The following NFIB variants were observed in gnomAD, a reference collection of about 807,000 sequenced individuals.
NFIB encodes the protein nuclear factor 1 B-type.
A neutral mutation model predicts 61.5 loss-of-function variants in NFIB; 11 were observed. The ratio of observed to expected loss-of-function variants is 0.18; its 90% CI spans 0.11 to 0.30. The LOEUF is 0.30. NFIB is among the 10% of genes least tolerant of loss of function. The pLI is 1.00. For missense variants in NFIB, 471 were observed against 608.9 expected (o/e 0.77, Z 2.38); for synonymous variants, 260 against 216.5 (o/e 1.20, Z -1.76).
At chr9:14,492,135 G>A in the NFIB span, among the ~76,000 whole-genome samples, 3 of 152,172 alleles carry the variant, frequency 2.0e-5, no homozygotes, top group African/African-American at 7.2e-5. Context: ...AGGCCAAGGC[G>A]GGTGGATCAC....
chr9:14,114,650 G>GT, intron 9 of NFIB, among the ~76,000 whole-genome samples: 1 of 152,286 alleles, frequency 6.6e-6, no homozygotes, highest in South Asian at 2.1e-4. Context: ...CAACCTGTAT[G>GT]TAAGTATAAA....
intron 10 of NFIB, among the ~76,000 whole-genome samples, chr9:14,090,611 T>C (rs1004627528): frequency 3.0e-4 from 45 of 152,012 alleles, no homozygotes; most frequent in Non-Finnish European, 4.1e-4. Context: ...ATAAAATAAA[T>C]TACAAAAATG....
chr9:14,208,587 T>C (rs150621103), intron 2 of NFIB, among the ~76,000 whole-genome samples: 370 of 151,816 alleles, frequency 2.4e-3, no homozygotes, highest in Non-Finnish European at 4.3e-3. Context: ...CCTTAAGGAC[T>C]CTTCACAAGT....
At chr9:14,091,198 T>C (rs115103263) in intron 10 of NFIB, among the ~76,000 whole-genome samples, 2,046 of 152,014 alleles carry the variant, frequency 0.013, 48 homozygotes, top group African/African-American at 0.047. Context: ...ATTGCCAATT[T>C]AAGTTCAGAA....
intron 3 of NFIB, among the ~76,000 whole-genome samples, chr9:14,160,561 C>T (rs1400586493): frequency 1.3e-5 from 2 of 152,036 alleles, no homozygotes; most frequent in African/African-American, 2.4e-5. Flanking sequence ...TGTTTTTTGG[C>T]TCAATAAACA....
At chr9:14,416,403 A>G in the NFIB span, among the ~76,000 whole-genome samples, 1 of 152,134 alleles carries the variant, frequency 6.6e-6, no homozygotes, top group Non-Finnish European at 1.5e-5. Flanking sequence ...GCCCCTGAAG[A>G]CCTTCCAGTG....
chr9:14,214,374 T>G (rs2050631470), intron 2 of NFIB, among the ~76,000 whole-genome samples: 1 of 152,212 alleles, frequency 6.6e-6, no homozygotes, highest in Non-Finnish European at 1.5e-5. Context: ...GTCACCATCT[T>G]GAAACTCTTA....
intron 1 of NFIB, among the ~76,000 whole-genome samples, chr9:14,334,564 G>C (rs1347215572): frequency 6.6e-6 from 1 of 151,842 alleles, no homozygotes; most frequent in East Asian, 1.9e-4. Context: ...GGAGTTCTTT[G>C]TATACTCTAC....
intron 2 of NFIB, among the ~76,000 whole-genome samples, chr9:14,268,865 T>G (rs1353320679): frequency 6.6e-6 from 1 of 152,138 alleles, no homozygotes; most frequent in African/African-American, 2.4e-5. Context: ...ATACCCAAAA[T>G]TAGAAGTACT....
chr9:14,102,667 C>T (rs1320229256), intron 10 of NFIB, among the ~76,000 whole-genome samples: 1 of 151,456 alleles, frequency 6.6e-6, no homozygotes, highest in Admixed American at 6.6e-5. Context: ...AAATCTTATT[C>T]TTGAAAAGCA....
At chr9:14,505,480 G>T in the NFIB span, among the ~76,000 whole-genome samples, 1 of 152,294 alleles carries the variant, frequency 6.6e-6, no homozygotes, top group East Asian at 1.9e-4. Flanking sequence ...AGCAGTCAGA[G>T]CCTTGAACTT....
intron 2 of NFIB, among the ~76,000 whole-genome samples, chr9:14,266,343 C>A (rs79619957): frequency 1.3e-5 from 2 of 152,268 alleles, no homozygotes; most frequent in East Asian, 1.9e-4. Flanking sequence ...GTAATCCCAG[C>A]ACTTTCAGAG....
chr9:14,207,348 T>C (rs2049847795), intron 2 of NFIB, among the ~76,000 whole-genome samples: 1 of 152,232 alleles, frequency 6.6e-6, no homozygotes, highest in African/African-American at 2.4e-5. Flanking sequence ...GTCAATTTTT[T>C]CTAATTTTTG....
At chr9:14,349,128 T>C (rs2061073301) in intron 1 of NFIB, among the ~76,000 whole-genome samples, 1 of 152,264 alleles carries the variant, frequency 6.6e-6, no homozygotes, top group Non-Finnish European at 1.5e-5. Flanking sequence ...GATCTCTGTA[T>C]TTTTAAACAA....
Position 14,160,644 on chromosome 9 carries a change from C to G in NFIB, c.617-4751G>C, listed in dbSNP as rs137944917. On this transcript the variant is annotated intron_variant, in intron 3 of 10. Transcript: ENST00000380953. The stretch of plus-strand genomic sequence containing the variant: ...GCAAAGGTAGCATAACCAATATATT[C>G]CCAACAACTGTGATGACCTTCACAA... Among the ~76,000 whole-genome samples, 487 of 152,008 alleles carry G rather than the reference C, an allele frequency of 3.2e-3. 2 individuals are homozygous for G. The highest frequency in any genetic ancestry group is 5.2e-3 in the Admixed American group (79 of 15,260).
intron 2 of NFIB, among the ~76,000 whole-genome samples, chr9:14,274,994 G>C (rs1053035116): frequency 6.6e-6 from 1 of 152,180 alleles, no homozygotes. Flanking sequence ...TTGTTTTGAA[G>C]TTAATTTACT....
chr9:14,382,389 G>A lies in NFIB; in HGVS notation c.108+16135C>T, dbSNP rs73641916. On this transcript the variant is annotated intron_variant, in intron 1 of 8. Transcript: ENST00000380934. ...GGGAGAGAGAGGGAGATAGGAGTCT[G>A]TCCATTTGTGGTTCTTATTTATTTG... 2.7e-3 allele frequency among the ~76,000 whole-genome samples: 410 copies of A among 152,152 alleles called. 1 individual carries two copies. The highest frequency in any genetic ancestry group is 9.2e-3 in the African/African-American group (381 of 41,502).
chr9:14,489,630 A>G, the NFIB span, among the ~76,000 whole-genome samples: 1 of 152,168 alleles, frequency 6.6e-6, no homozygotes, highest in Non-Finnish European at 1.5e-5. Flanking sequence ...TCTCCTCCAT[A>G]GGGACAATCG....
At chr9:14,339,597 A>G (rs1042901320) in intron 1 of NFIB, among the ~76,000 whole-genome samples, 1 of 152,204 alleles carries the variant, frequency 6.6e-6, no homozygotes, top group Non-Finnish European at 1.5e-5. Context: ...AAATATCATT[A>G]GCTATTGTTT....
Sources: gnomAD v4.1 joint callset for allele counts (sites outside exome capture counted in the v4.1 genomes callset) on GRCh38, gnomAD v4.1.1 for gene constraint, MANE v1.5 for transcripts, NCBI Gene and HGNC (gene_info 2026-07-23, HGNC 2026-07-21) for gene names.